The following LIPA variants were observed in gnomAD, a reference collection of about 807,000 sequenced individuals.
LIPA encodes the protein lysosomal acid lipase/cholesteryl ester hydrolase.
Under a neutral mutation model 40.6 loss-of-function variants are expected in LIPA, and 26 were observed. The ratio of observed to expected loss-of-function variants is 0.64; its 90% CI spans 0.47 to 0.89. The LOEUF is 0.89. Among genes scored for constraint, LIPA ranks in the 40% least tolerant of loss-of-function variants. The probability of loss-of-function intolerance (pLI) is 0.00; values close to 1 mark genes in which losing one functional copy is unlikely to be tolerated. For synonymous variants in LIPA, 188 were observed against 168.4 expected (o/e 1.12, Z -0.90); for missense variants, 455 against 479.6 (o/e 0.95, Z 0.48).
intron 2 of LIPA, among the ~76,000 whole-genome samples, chr10:89,350,993 G>T (rs1843955471): frequency 6.6e-6 from 1 of 152,154 alleles, no homozygotes; most frequent in South Asian, 2.1e-4. Flanking sequence ...TAGGGCCCCA[G>T]CCTATGAACC....
intron 1 of LIPA, among the ~76,000 whole-genome samples, chr10:89,286,952 C>G (rs1843344218): frequency 6.6e-6 from 1 of 152,240 alleles, no homozygotes; most frequent in Non-Finnish European, 1.5e-5. Flanking sequence ...AGGACCTTCT[C>G]CATCAGGATC....
chr10:89,390,832 T>C (rs887371152), intron 2 of LIPA, among the ~76,000 whole-genome samples: 1 of 152,228 alleles, frequency 6.6e-6, no homozygotes, highest in African/African-American at 2.4e-5. Flanking sequence ...CATTGGCAAA[T>C]TGAAAACCCA....
At chr10:89,357,006 T>C (rs627496) in intron 2 of LIPA, among the ~76,000 whole-genome samples, 50,062 of 152,112 alleles carry the variant, frequency 0.33, 9,431 homozygotes, top group East Asian at 0.61. Context: ...CCTCTAATCA[T>C]GCCTTGGTCT....
In LIPA at chr10:89,298,193, C is replaced by T. The variant is rs75741324; in HGVS notation, c.-2+44418G>A. Among the ~76,000 whole-genome samples, 1,030 of 152,312 alleles carry T rather than the reference C, an allele frequency of 6.8e-3. 13 individuals are homozygous for T. Among genetic ancestry groups the T allele is most frequent in the African/African-American group, 0.023 (960 of 41,558 alleles). On this transcript the variant is annotated intron_variant, in intron 1 of 5. Transcript: ENST00000282673. ...ACTGCTGCCACTATCAGCATCTGAG[C>T]AAGCTATCTGGGGGCCCAGGAATTA...
At chr10:89,255,528 C>A (rs190174424), upstream of LIPA, among the ~76,000 whole-genome samples, 9 of 152,266 alleles carry the variant, frequency 5.9e-5, no homozygotes, top group Admixed American at 3.9e-4. Context: ...CAGAAGGCTA[C>A]CACAATAGTC....
At chr10:89,285,204 C>A in intron 1 of LIPA, 1 of 160,692 alleles carries the variant, frequency 6.2e-6, no homozygotes, top group East Asian at 1.8e-4. Flanking sequence ...GAAAGATCCA[C>A]CTACGACCTC....
chr10:89,384,145 T>G lies in LIPA; in HGVS notation c.61+28646A>C, dbSNP rs757447998. On this transcript the variant is annotated intron_variant, in intron 2 of 8. Transcript: ENST00000371837. ...AGCTCTTGAGCTCTTAAAAATGGCC[T>G]TGGAGACAACACCCACTTCTGCCTT... 21 of 1,614,080 alleles carry G rather than the reference T, an allele frequency of 1.3e-5. No individual in the cohort carries two copies. In the East Asian group the frequency reaches 4.5e-4, roughly 34 times the overall value.
chr10:89,359,815 T>TCACACACACACACACA, intron 2 of LIPA, among the ~76,000 whole-genome samples: 1 of 146,208 alleles, frequency 6.8e-6, no homozygotes, highest in South Asian at 2.2e-4. Context: ...TCTCTCTCTC[T>TCACACACACACACACA]CACACACACA....
intron 1 of LIPA, among the ~76,000 whole-genome samples, chr10:89,297,769 T>C (rs974702975): frequency 6.6e-6 from 1 of 152,198 alleles, no homozygotes; most frequent in Non-Finnish European, 1.5e-5. Flanking sequence ...GGCTTACATG[T>C]AGAGAGCAGA....
chr10:89,285,772 A>G (rs1843338396), intron 1 of LIPA, among the ~76,000 whole-genome samples: 1 of 142,044 alleles, frequency 7.0e-6, no homozygotes, highest in Non-Finnish European at 1.5e-5. Flanking sequence ...CTGTGTCTCT[A>G]CCCTCTCTTT....
chr10:89,392,050 TAA>T (rs950168966), intron 2 of LIPA, among the ~76,000 whole-genome samples: 2 of 151,986 alleles, frequency 1.3e-5, no homozygotes, highest in African/African-American at 2.4e-5. Flanking sequence ...ACCTCCTGCC[TAA>T]GTCATCAGGG....
chr10:89,267,423 G>A (rs1843242060), intron 1 of LIPA, among the ~76,000 whole-genome samples: 1 of 152,114 alleles, frequency 6.6e-6, no homozygotes, highest in Non-Finnish European at 1.5e-5. Context: ...GGCAGTCCCA[G>A]CAGGGAGAGA....
At position 89,248,677 on chromosome 10, in the gene LIPA, G is replaced by T. The variant is rs1214599041; in HGVS notation, c.-1-1028C>A. Among the ~76,000 whole-genome samples the T allele has an allele frequency of 2.0e-4, 30 of 150,372 alleles. 1 individual carries two copies. The East Asian group carries it at 5.5e-3, about 27-fold the overall frequency. Reference sequence around the variant, plus strand: ...TTTTTTTTTTTTTAGTAGAGACGGGGTTTCACTGTGTTAGCCAGGATGGTC... The same window carrying T: ...TTTTTTTTTTTTTAGTAGAGACGGGTTTTCACTGTGTTAGCCAGGATGGTC... On this transcript the variant is annotated intron_variant, in intron 1 of 9. Coordinates refer to ENST00000336233, the MANE Select transcript of LIPA (RefSeq NM_000235.4).
intron 1 of LIPA, chr10:89,307,497 T>C: frequency 2.6e-6 from 2 of 782,050 alleles, no homozygotes; most frequent in South Asian, 3.6e-5. Flanking sequence ...ACACTGGCCA[T>C]ACCACTGGAC....
intron 1 of LIPA, among the ~76,000 whole-genome samples, chr10:89,324,286 C>T (rs1843587747): frequency 6.6e-6 from 1 of 152,132 alleles, no homozygotes; most frequent in Non-Finnish European, 1.5e-5. Context: ...GAAATGATTC[C>T]CTGTTCAATA....
intron 1 of LIPA, among the ~76,000 whole-genome samples, chr10:89,278,729 A>G (rs568731467): frequency 1.3e-5 from 2 of 152,234 alleles, no homozygotes; most frequent in East Asian, 3.9e-4. Flanking sequence ...AAAATGTAAA[A>G]TCTTCAGTCT....
At chr10:89,230,393 A>G (rs1309471308) in intron 3 of LIPA, among the ~76,000 whole-genome samples, 1 of 152,150 alleles carries the variant, frequency 6.6e-6, no homozygotes, top group Admixed American at 6.5e-5. Context: ...AGCAACCTCC[A>G]CCTTCTGGGC....
At chr10:89,325,145 A>C (rs1336397452) in intron 1 of LIPA, among the ~76,000 whole-genome samples, 1 of 152,234 alleles carries the variant, frequency 6.6e-6, no homozygotes, top group Non-Finnish European at 1.5e-5. Flanking sequence ...GAAAAATGCA[A>C]ATCAAAACCA....
intron 1 of LIPA, among the ~76,000 whole-genome samples, chr10:89,297,029 A>C (rs1201126525): frequency 6.6e-6 from 1 of 152,164 alleles, no homozygotes; most frequent in African/African-American, 2.4e-5. Flanking sequence ...AAAATTATGA[A>C]TAGATAATTA....
Sources: gnomAD v4.1 joint callset for allele counts (sites outside exome capture counted in the v4.1 genomes callset) on GRCh38, gnomAD v4.1.1 for gene constraint, MANE v1.5 for transcripts, NCBI Gene and HGNC (gene_info 2026-07-23, HGNC 2026-07-21) for gene names.